TCF7L2: variants seen among roughly 807,000 people sequenced by gnomAD.
The protein encoded by TCF7L2 is transcription factor 7-like 2.
Under a neutral mutation model 77.9 loss-of-function variants are expected in TCF7L2, and 23 were observed. The observed-to-expected ratio is 0.30, with a 90% CI of 0.21 to 0.42. The LOEUF is 0.42. TCF7L2 is among the 10% of genes least tolerant of loss of function. The pLI is 1.00. For missense variants in TCF7L2, 654 were observed against 793.1 expected, an observed-to-expected ratio of 0.82 and a Z score of 2.11; for synonymous variants, 413 against 340.2, an observed-to-expected ratio of 1.21 and a Z score of -2.36.
intron 4 of TCF7L2, among the ~76,000 whole-genome samples, chr10:113,031,030 A>G (rs2050117766): frequency 1.3e-5 from 2 of 152,304 alleles, no homozygotes; most frequent in East Asian, 3.9e-4. Flanking sequence ...CTGCCTGGGC[A>G]CCCATTGGCC....
intron 3 of TCF7L2, among the ~76,000 whole-genome samples, chr10:112,961,775 T>A (rs1248394035): frequency 7.1e-6 from 1 of 140,204 alleles, no homozygotes; most frequent in African/African-American, 2.7e-5. Flanking sequence ...GGTGTGTTTG[T>A]GAGCTGGGTG....
Position 112,951,476 on chromosome 10 carries a change from A to C in TCF7L2, c.257-7A>C. 2 of 1,415,448 alleles carry C rather than the reference A, an allele frequency of 1.4e-6. No individual in the cohort carries two copies. Among genetic ancestry groups the C allele is most frequent in the South Asian group, 1.2e-5 (1 of 83,542 alleles). 87.7% of individuals were successfully genotyped at this position (1,415,448 alleles called of 1,614,324 possible). ...GCCGCTGTCCCCTCGCCGCCCCGCC[A>C]TGTTAGCGGCCAAGAGGCAAGATGG... On this transcript the variant is annotated splice_polypyrimidine_tract_variant and splice_region_variant and intron_variant, in intron 2 of 13. Transcript: ENST00000627217.
intron 5 of TCF7L2, among the ~76,000 whole-genome samples, chr10:113,078,342 C>G (rs1158137259): frequency 6.6e-6 from 1 of 152,074 alleles, no homozygotes; most frequent in African/African-American, 2.4e-5. Flanking sequence ...TTCATGGTCC[C>G]CCTGAGACAC....
intron 5 of TCF7L2, among the ~76,000 whole-genome samples, chr10:113,069,280 A>C (rs537264956): frequency 6.7e-6 from 1 of 150,208 alleles, no homozygotes; most frequent in East Asian, 2.0e-4. Flanking sequence ...CCCAGGCTGG[A>C]GTGCCGTGGT....
intron 5 of TCF7L2, among the ~76,000 whole-genome samples, chr10:113,063,098 T>A (rs896055545): frequency 2.0e-5 from 3 of 152,154 alleles, no homozygotes; most frequent in Non-Finnish European, 4.4e-5. Context: ...AACAGTACAG[T>A]GTTTTTGTTG....
At chr10:113,122,582 A>C (rs2064974289) in intron 5 of TCF7L2, among the ~76,000 whole-genome samples, 1 of 152,224 alleles carries the variant, frequency 6.6e-6, no homozygotes, top group South Asian at 2.1e-4. Context: ...TGGGTTTGTG[A>C]CTATCAGGAA....
chr10:113,113,424 C>G (rs1172402295), intron 5 of TCF7L2, among the ~76,000 whole-genome samples: 1 of 152,170 alleles, frequency 6.6e-6, no homozygotes, highest in Non-Finnish European at 1.5e-5. Flanking sequence ...GCTATTTAGA[C>G]ATGAATCACA....
chr10:112,992,573 A>T (rs1160178110), intron 4 of TCF7L2, among the ~76,000 whole-genome samples: 2 of 152,056 alleles, frequency 1.3e-5, no homozygotes, highest in Non-Finnish European at 2.9e-5. Context: ...AGATTGCGTT[A>T]TCTTTACCAA....
At chr10:113,018,134 C>T (rs776611006) in intron 4 of TCF7L2, among the ~76,000 whole-genome samples, 1 of 152,156 alleles carries the variant, frequency 6.6e-6, no homozygotes, top group Non-Finnish European at 1.5e-5. Flanking sequence ...TGAGGTAACA[C>T]ATACATTTAT....
rs769309826 is a variant in TCF7L2, at chr10:113,165,783, C to G, written c.1620C>G (p.Leu540=). ...TGCCTCCGCCACCCGCCCTCCTGCT[C>G]GCTGAGGCCACCCACAAGGCCTCCG... is the stretch of plus-strand genomic sequence containing the variant. The change falls in exon 14 of 14, where the codon CTC becomes CTG. Residue 540 remains leucine (L), a synonymous_variant. Transcript: ENST00000627217. 4 of 1,605,772 alleles carry G rather than the reference C, an allele frequency of 2.5e-6. No individual in the cohort carries two copies. The highest frequency in any genetic ancestry group is 3.4e-6 in the Non-Finnish European group (4 of 1,175,756).
intron 3 of TCF7L2, among the ~76,000 whole-genome samples, chr10:112,960,563 G>A (rs1171425830): frequency 6.6e-6 from 1 of 152,170 alleles, no homozygotes; most frequent in Admixed American, 6.5e-5. Context: ...GTGCCATTTT[G>A]AAGGTGTGAG....
At chr10:113,127,368 C>T (rs893976878) in intron 5 of TCF7L2, among the ~76,000 whole-genome samples, 2 of 151,800 alleles carry the variant, frequency 1.3e-5, no homozygotes, top group Non-Finnish European at 2.9e-5. Context: ...TCCATCCATT[C>T]CTCCAAGACC....
chr10:113,102,753 G>C (rs967864375), intron 5 of TCF7L2, among the ~76,000 whole-genome samples: 1 of 152,032 alleles, frequency 6.6e-6, no homozygotes, highest in African/African-American at 2.4e-5. Context: ...TCTTTGATTT[G>C]GGAGGAAAGA....
chr10:113,095,873 G>C (rs2060905247), intron 5 of TCF7L2, among the ~76,000 whole-genome samples: 1 of 152,154 alleles, frequency 6.6e-6, no homozygotes, highest in South Asian at 2.1e-4. Context: ...CTGTGCCCAT[G>C]TCTCTCCACG....
rs367884505 is a variant in TCF7L2 at position 113,146,038 on chromosome 10, G to A, written c.816G>A (p.Thr272=). Residue 272 remains threonine, a synonymous_variant, in exon 8 of 14, where the codon ACG becomes ACA. Coordinates refer to ENST00000627217, the MANE Select transcript of TCF7L2 (RefSeq NM_001146274.2). ...AAGGTCAACCAGTGTACCCAATCAC[G>A]ACAGGAGGATTCAGACACCCCTACC... The A allele has an allele frequency of 1.0e-4, 149 of 1,456,834 alleles. 3 individuals carry two copies. The East Asian group carries it at 1.9e-3, about 18-fold the overall frequency. 90.2% of individuals were successfully genotyped at this position (1,456,834 alleles called of 1,614,324 possible). A position where few individuals can be genotyped will look rare whatever the true frequency, so the allele number is the denominator to read the frequency against.
chr10:113,118,414 CAG>C (rs2064173956), intron 5 of TCF7L2, among the ~76,000 whole-genome samples: 2 of 151,974 alleles, frequency 1.3e-5, no homozygotes, highest in Non-Finnish European at 2.9e-5. Context: ...TAGGGAGGGA[CAG>C]AGTGTTGGTT....
At chr10:113,040,194 GA>G in intron 5 of TCF7L2, 68 bp downstream of exon 5, 1 of 1,349,522 alleles carries the variant, frequency 7.4e-7, no homozygotes, top group Non-Finnish European at 1.0e-6. Flanking sequence ...CTTTTTTGAT[GA>G]TAACAGGCCT....
rs573448030 is a variant in TCF7L2, at chr10:113,109,984, A to T, written c.553-31200A>T. Among the ~76,000 whole-genome samples, 543 of 152,360 alleles carry T rather than the reference A, an allele frequency of 3.6e-3. 2 individuals are homozygous for T. The highest frequency in any genetic ancestry group is 0.013 in the African/African-American group (528 of 41,584). The stretch of plus-strand genomic sequence containing the variant: ...TGTTTGAAGATTATAACATCATTTC[A>T]TACAGAAAATAGCTTTGCTATGCTT... On this transcript the variant is annotated intron_variant, in intron 5 of 13. Transcript: ENST00000627217.
chr10:113,063,999 A>G (rs1012747489), intron 5 of TCF7L2, among the ~76,000 whole-genome samples: 5 of 152,010 alleles, frequency 3.3e-5, no homozygotes, highest in African/African-American at 1.2e-4. Context: ...GAGGTTCCTG[A>G]AATAGACAAG....
Sources: allele counts gnomAD v4.1 joint callset (sites outside exome capture counted in the v4.1 genomes callset), GRCh38; gene constraint gnomAD v4.1.1; transcripts MANE v1.5; gene names NCBI Gene and HGNC (gene_info 2026-07-23, HGNC 2026-07-21).